Variants in CELSR1 observed in about 807,000 individuals in gnomAD.
CELSR1 encodes cadherin EGF LAG seven-pass G-type receptor 1.
In CELSR1, 110 loss-of-function variants were observed where a neutral mutation model predicts 249.1. The observed-to-expected ratio is 0.44, with a 90% confidence interval of 0.38 to 0.52. CELSR1 has a LOEUF of 0.52. Ranked by LOEUF, CELSR1 falls within the 20% of genes least tolerant of loss-of-function variation. The pLI is 0.00. For missense variants in CELSR1, 4,109 were observed against 4,296.4 expected (o/e 0.96, Z 1.22); for synonymous variants, 2,113 against 1,900.0 (o/e 1.11, Z -2.92).
intron 20 of CELSR1, among the ~76,000 whole-genome samples, chr22:46,383,535 TC>T (rs2079001178): frequency 6.6e-6 from 1 of 152,144 alleles, no homozygotes; most frequent in African/African-American, 2.4e-5. Flanking sequence ...GAAGCAGCTT[TC>T]CCCCCAACCA....
chr22:46,363,754 G>A lies in CELSR1; in HGVS notation c.9035+242C>T, dbSNP rs1437173658. On this transcript the variant is annotated intron_variant, in intron 34 of 34. Coordinates refer to ENST00000674500, the MANE Select transcript of CELSR1 (RefSeq NM_001378328.1). The surrounding 1 kb of genome is among the most constrained non-coding windows in gnomAD (Gnocchi z 4.3). ...GGTCCTAGCATTTTGGGGCTGGCCA[G>A]GGCTTCAGAGTCCCAGAGGCCTGAG... 5.4e-6 allele frequency: 3 copies of A among 560,192 alleles called. No homozygotes were observed. The highest frequency in any genetic ancestry group is 9.2e-6 in the Non-Finnish European group (3 of 326,840). The allele number at this position is 560,192 out of a possible 1,614,324, so 34.7% of individuals were successfully genotyped here.
Position 46,463,700 on chromosome 22 carries a change from C to T in CELSR1, c.4183+7G>A. ...TACACAAAGCCAGGGTGAGCCCGGGCACCTACCAGTGAAGTCCTCGAAGCA... is the reference window on the plus strand; with the variant it reads ...TACACAAAGCCAGGGTGAGCCCGGGTACCTACCAGTGAAGTCCTCGAAGCA... On this transcript the variant is annotated splice_region_variant and intron_variant, in intron 2 of 34. Coordinates refer to ENST00000674500, the MANE Select transcript of CELSR1 (RefSeq NM_001378328.1). The T allele has an allele frequency of 6.6e-7, 1 of 1,512,386 alleles. No homozygotes were observed. 93.7% of individuals were successfully genotyped at this position (1,512,386 alleles called of 1,614,324 possible).
intron 1 of CELSR1, among the ~76,000 whole-genome samples, chr22:46,532,424 G>A (rs890814347): frequency 6.6e-6 from 1 of 152,232 alleles, no homozygotes; most frequent in Non-Finnish European, 1.5e-5. Context: ...TACCAAAACT[G>A]AACCTGTAAG....
intron 1 of CELSR1, among the ~76,000 whole-genome samples, chr22:46,478,684 A>T (rs2080235207): frequency 6.6e-6 from 1 of 150,788 alleles, no homozygotes; most frequent in South Asian, 2.1e-4. Context: ...CTGGGATTAC[A>T]GGTGCGTGCC....
rs541062761 is a variant in CELSR1, at chr22:46,381,491, C to T, written c.7088+355G>A. 1.4e-4 allele frequency among the ~76,000 whole-genome samples: 21 copies of T among 152,290 alleles called. 2 individuals are homozygous for T. Among genetic ancestry groups the T allele is most frequent in the Admixed American group, 5.9e-4 (9 of 15,302 alleles). On this transcript the variant is annotated intron_variant, in intron 21 of 34. Coordinates refer to ENST00000674500, the MANE Select transcript of CELSR1 (RefSeq NM_001378328.1). This position sits in a 1 kb window ranked among gnomAD's most constrained non-coding sequence, Gnocchi z 6.0. The stretch of plus-strand genomic sequence containing the variant: ...AGGACTAGCTGAGCAGACCTAACCC[C>T]GGGGCCAGCAGCAGGCACTACCCAT...
rs375310374 is a variant in CELSR1, at chr22:46,361,958, C to T, written c.*1265G>A. On this transcript the variant is annotated 3_prime_UTR_variant, in exon 35 of 35. Coordinates refer to ENST00000674500, the MANE Select transcript of CELSR1 (RefSeq NM_001378328.1). Reference sequence around the variant, plus strand: ...GAATTTCCAAAAACAGTTTGGTAACCGTTGAAGAGTGTGGCTGTGGCTTTG... The same window carrying T: ...GAATTTCCAAAAACAGTTTGGTAACTGTTGAAGAGTGTGGCTGTGGCTTTG... 8 of 152,238 alleles carry T rather than the reference C, an allele frequency of 5.3e-5. No homozygotes were observed. In the East Asian group the frequency reaches 9.6e-4, roughly 18 times the overall value. The allele number at this position is 152,238 out of a possible 1,614,324, so 9.4% of individuals were successfully genotyped here.
At position 46,445,002 on chromosome 22, in the gene CELSR1, T is replaced by C. The variant is rs2079802334; in HGVS notation, c.4184-5591A>G. Among the ~76,000 whole-genome samples, 1 of 152,008 alleles carries C rather than the reference T, an allele frequency of 6.6e-6. No homozygotes were observed. Among genetic ancestry groups the C allele is most frequent in the Admixed American group, 6.6e-5 (1 of 15,258 alleles). On this transcript the variant is annotated intron_variant, in intron 2 of 34. Transcript: ENST00000674500. The surrounding 1 kb of genome is among the most constrained non-coding windows in gnomAD (Gnocchi z 4.4). ...GGGTGGATCACCTGAGATCAGGGGTTCGCGAGCCTGGCCAACATGGTGAAA... is the reference window on the plus strand; with the variant it reads ...GGGTGGATCACCTGAGATCAGGGGTCCGCGAGCCTGGCCAACATGGTGAAA...
Position 46,464,170 on chromosome 22 carries a change from G to C in CELSR1, c.3720C>G (p.Asp1240Glu). Reference sequence around the variant, plus strand: ...TCTGGACGTTGAAGACGAAGACGTCGTCCTTGGTGGTGGACAGCACGGCGG... The same window carrying C: ...TCTGGACGTTGAAGACGAAGACGTCCTCCTTGGTGGTGGACAGCACGGCGG... ...GVAAVLSTTKDDVFVFNVQND... is the reference protein window; with the variant it reads ...GVAAVLSTTKEDVFVFNVQND... Residue 1240 changes from aspartate to glutamate, a missense_variant, in exon 2 of 35, where the codon GAC (aspartate) becomes GAG (glutamate). This residue lies in a region of CELSR1 where 141 missense variants were observed against 209.4 expected (regional missense o/e 0.67). Transcript: ENST00000674500. The surrounding 1 kb of genome is among the most constrained non-coding windows in gnomAD (Gnocchi z 8.5). The C allele has an allele frequency of 6.2e-7, 1 of 1,613,718 alleles. No homozygotes were observed.
chr22:46,523,166 T>C (rs2080702766), intron 1 of CELSR1, among the ~76,000 whole-genome samples: 1 of 152,174 alleles, frequency 6.6e-6, no homozygotes. Context: ...TTAGATTAGA[T>C]ATGAACAAAA....
At position 46,399,831 on chromosome 22, in the gene CELSR1, C is replaced by T; in HGVS notation, c.5298G>A (p.Gly1766=). 1.9e-6 allele frequency: 3 copies of T among 1,614,184 alleles called. No individual in the cohort carries two copies. The highest frequency in any genetic ancestry group is 2.5e-6 in the Non-Finnish European group (3 of 1,180,012). ...PSDVESVMLS[G]LRVTDGEWHH... Reference sequence around the variant, plus strand: ...GCCACTCCCCGTCGGTCACCCGCAACCCGGACAGCATCACGGACTCCACAT... The same window carrying T: ...GCCACTCCCCGTCGGTCACCCGCAATCCGGACAGCATCACGGACTCCACAT... Residue 1766 remains glycine, a synonymous_variant, in exon 10 of 35, where the codon GGG becomes GGA. Coordinates refer to ENST00000674500, the MANE Select transcript of CELSR1 (RefSeq NM_001378328.1). The surrounding 1 kb of genome is among the most constrained non-coding windows in gnomAD (Gnocchi z 5.0).
intron 1 of CELSR1, among the ~76,000 whole-genome samples, chr22:46,469,775 A>G (rs2080134896): frequency 6.7e-6 from 1 of 150,140 alleles, no homozygotes; most frequent in African/African-American, 2.5e-5. Context: ...TGGCCTCCCA[A>G]AGTACTGAGA....
In CELSR1 at chr22:46,433,157, G is replaced by T. The variant is rs2079615609; in HGVS notation, c.4611+236C>A. The stretch of plus-strand genomic sequence containing the variant: ...CTCTCCTGCCTCAGCCTCCTGAGTA[G>T]CTGGGATTACAGGCACCCGCCACCA... On this transcript the variant is annotated intron_variant, in intron 5 of 34. Transcript: ENST00000674500. This position sits in a 1 kb window ranked among gnomAD's most constrained non-coding sequence, Gnocchi z 5.7. 6.6e-6 allele frequency among the ~76,000 whole-genome samples: 1 copy of T among 152,032 alleles called. No homozygotes were observed. Among genetic ancestry groups the T allele is most frequent in the Non-Finnish European group, 1.5e-5 (1 of 68,002 alleles).
chr22:46,457,320 G>A (rs983150072), intron 2 of CELSR1, among the ~76,000 whole-genome samples: 11 of 151,922 alleles, frequency 7.2e-5, no homozygotes, highest in African/African-American at 2.4e-4. Context: ...ACTCCAGCCC[G>A]GGCAACAGAG....
intron 5 of CELSR1, among the ~76,000 whole-genome samples, chr22:46,420,635 G>A (rs1039235605): frequency 4.6e-5 from 7 of 152,102 alleles, no homozygotes; most frequent in Admixed American, 4.6e-4. Flanking sequence ...CACTCACCTT[G>A]CACACAGTCT....
At position 46,378,655 on chromosome 22, in the gene CELSR1, T is replaced by C. The variant is rs990049316; in HGVS notation, c.7319A>G (p.His2440Arg). The stretch of plus-strand genomic sequence containing the variant: ...TGTGTGGCTGCACTGGCAGGCGACA[T>C]GTGTCCGGTTCCTGGACAGGAGCTC... ...GCELLSRNRT[H>R]VACQCSHTAS... The change falls in exon 23 of 35, where the codon CAT becomes CGT. Residue 2440 changes from histidine (H) to arginine (R), a missense_variant. This residue lies in a region of CELSR1 where 1,805 missense variants were observed against 1,831.6 expected (regional missense o/e 0.99). Transcript: ENST00000674500. The C allele has an allele frequency of 1.2e-6, 2 of 1,609,400 alleles. No individual in the cohort carries two copies. Among genetic ancestry groups the C allele is most frequent in the Non-Finnish European group, 1.7e-6 (2 of 1,178,902 alleles).
At position 46,500,392 on chromosome 22, in the gene CELSR1, G is replaced by A. The variant is rs966374289; in HGVS notation, c.3544+33235C>T. ...ATGGCGCAGAGATCACATTTACAGC[G>A]GTGGCGGTAACCATGGAAACTGGCA... On this transcript the variant is annotated intron_variant, in intron 1 of 34. Coordinates refer to ENST00000674500, the MANE Select transcript of CELSR1 (RefSeq NM_001378328.1). The surrounding 1 kb of genome is among the most constrained non-coding windows in gnomAD (Gnocchi z 4.9). Among the ~76,000 whole-genome samples, 6 of 152,176 alleles carry A rather than the reference G, an allele frequency of 3.9e-5. No homozygotes were observed. Among genetic ancestry groups the A allele is most frequent in the Admixed American group, 6.5e-5 (1 of 15,272 alleles).
rs2078900072 is a variant in CELSR1, at chr22:46,374,806, G to C, written c.7585-1749C>G. Among the ~76,000 whole-genome samples, 1 of 152,196 alleles carries C rather than the reference G, an allele frequency of 6.6e-6. No individual in the cohort carries two copies. The highest frequency in any genetic ancestry group is 1.5e-5 in the Non-Finnish European group (1 of 68,040). Reference sequence around the variant, plus strand: ...CGGATGAGAACGTGCCCATTGCGGGGATGCGCCCGGCTGCGGATGTGAAGA... The same window carrying C: ...CGGATGAGAACGTGCCCATTGCGGGCATGCGCCCGGCTGCGGATGTGAAGA... On this transcript the variant is annotated intron_variant, in intron 24 of 34. Coordinates refer to ENST00000674500, the MANE Select transcript of CELSR1 (RefSeq NM_001378328.1). The surrounding 1 kb of genome is among the most constrained non-coding windows in gnomAD (Gnocchi z 4.3).
chr22:46,386,472 G>A lies in CELSR1; in HGVS notation c.6669C>T (p.Tyr2223=). Residue 2223 remains tyrosine, a synonymous_variant, in exon 19 of 35, where the codon TAC becomes TAT. Coordinates refer to ENST00000674500, the MANE Select transcript of CELSR1 (RefSeq NM_001378328.1). ...TAQLLRRLEG[Y]FSNVARNVRR... ...GCACGTTGCGTGCCACGTTGCTGAA[G>A]TAGCCCTCGAGGCGCCGGAGCAGCT... 5 of 1,603,658 alleles carry A rather than the reference G, an allele frequency of 3.1e-6. No homozygotes were observed.
rs1298169132 is a variant in CELSR1, at chr22:46,463,769, G to A, written c.4121C>T (p.Ala1374Val). 5 of 1,571,888 alleles carry A rather than the reference G, an allele frequency of 3.2e-6. No individual in the cohort carries two copies. The highest frequency in any genetic ancestry group is 1.4e-5 in the African/African-American group (1 of 73,860). Residue 1374 changes from alanine (A) to valine (V), a missense_variant, in exon 2 of 35, where the codon GCC becomes GTC. Ala to Val is a moderately conservative substitution (Grantham distance 64). Around this residue, in one of 7 missense-constraint regions of CELSR1, gnomAD observed 453 missense variants for 492.0 expected, o/e 0.92. Transcript: ENST00000674500. ...IDLCYSDPCG[A>V]NGRCRSREGG... Reference sequence around the variant, plus strand: ...CTCGCGGCTGCGGCAGCGGCCGTTGGCGCCGCACGGGTCGGAGTAGCAGAG... The same window carrying A: ...CTCGCGGCTGCGGCAGCGGCCGTTGACGCCGCACGGGTCGGAGTAGCAGAG...
Sources: allele counts gnomAD v4.1 joint callset (sites outside exome capture counted in the v4.1 genomes callset), GRCh38; gene constraint gnomAD v4.1.1; regional missense constraint gnomAD v4.1.1; non-coding constraint Gnocchi (gnomAD v3.1); transcripts MANE v1.5; gene names NCBI Gene and HGNC (gene_info 2026-07-23, HGNC 2026-07-21).